Variants in AXDND1 observed in about 807,000 individuals in gnomAD.
AXDND1 encodes the protein axonemal dynein light chain domain containing 1, also known as axonemal dynein light chain domain-containing protein 1.
AXDND1 carries 110 observed loss-of-function variants against 137.5 expected under a neutral mutation model. That is an observed-to-expected ratio of 0.80 (90% CI 0.69 to 0.94). The LOEUF (loss-of-function observed/expected upper bound fraction) is 0.94, where lower values mean the gene tolerates loss of function less well. Among genes scored for constraint, AXDND1 ranks in the 40% least tolerant of loss-of-function variants. AXDND1 has a pLI of 0.00. For synonymous variants in AXDND1, 414 were observed against 399.7 expected (o/e 1.04, Z -0.43); for missense variants, 1,191 against 1,169.8 (o/e 1.02, Z -0.26).
intron 16 of AXDND1, chr1:179,447,718 C>G (rs1407516497): frequency 7.4e-7 from 1 of 1,348,864 alleles, no homozygotes; most frequent in African/African-American, 1.4e-5. Context: ...CATGACTTTA[C>G]CTAAACTATT....
Position 179,468,749 on chromosome 1 carries a change from C to T in AXDND1, c.1997+108C>T, listed in dbSNP as rs79637348. On this transcript the variant is annotated intron_variant, in intron 17 of 25. Transcript: ENST00000367618. ...TCAAAGTGTACAATTCTGTGGTGTT[C>T]AGTATATTTATAGATATAAGTAACC... The T allele has an allele frequency of 2.0e-3, 1,766 of 866,086 alleles. 17 individuals carry two copies. In the African/African-American group the frequency reaches 0.023, roughly 11 times the overall value. 53.7% of individuals were successfully genotyped at this position (866,086 alleles called of 1,614,324 possible).
At chr1:179,414,952 T>C (rs1015254180) in intron 12 of AXDND1, among the ~76,000 whole-genome samples, 1 of 112,282 alleles carries the variant, frequency 8.9e-6, no homozygotes, top group African/African-American at 3.1e-5. Context: ...AATAGATAAA[T>C]ACAACAGAAT....
At chr1:179,514,150 G>C (rs554504378) in intron 21 of AXDND1, among the ~76,000 whole-genome samples, 88 of 152,002 alleles carry the variant, frequency 5.8e-4, no homozygotes, top group African/African-American at 2.1e-3. Context: ...AGTTCCTTGA[G>C]GTGTGACCTT....
chr1:179,444,902 A>G lies in AXDND1; in HGVS notation c.1564-68A>G, dbSNP rs539781048. ...AATTGGGAGTCACTGGGGAATAAGC[A>G]TCTGGTAGACTTTGATAAACTCATT... On this transcript the variant is annotated intron_variant, in intron 15 of 25. Coordinates refer to ENST00000367618, the MANE Select transcript of AXDND1 (RefSeq NM_144696.6). The G allele has an allele frequency of 5.5e-6, 6 of 1,097,174 alleles. No individual in the cohort carries two copies. In the South Asian group the frequency reaches 7.8e-5, roughly 14 times the overall value. 68.0% of individuals were successfully genotyped at this position (1,097,174 alleles called of 1,614,324 possible).
At chr1:179,447,417 ATAATCTGATT>A (rs1659895843) in intron 16 of AXDND1, among the ~76,000 whole-genome samples, 1 of 152,248 alleles carries the variant, frequency 6.6e-6, no homozygotes, top group Non-Finnish European at 1.5e-5. Flanking sequence ...GCAAATTTCC[ATAATCTGATT>A]TTTGTGTATT....
At chr1:179,533,619 A>G (rs996533668) in intron 23 of AXDND1, among the ~76,000 whole-genome samples, 176 bp from the exon 24 acceptor site, 3 of 135,916 alleles carry the variant, frequency 2.2e-5, no homozygotes, top group Non-Finnish European at 4.7e-5. Flanking sequence ...TTGACCAGAG[A>G]CAATCCCTTT....
At position 179,370,060 on chromosome 1, in the gene AXDND1, C is replaced by T. The variant is rs1320828033; in HGVS notation, c.356C>T (p.Ser119Phe). 5 of 1,612,326 alleles carry T rather than the reference C, an allele frequency of 3.1e-6. 1 individual carries two copies. The South Asian group carries it at 5.5e-5, about 18-fold the overall frequency. ...KFKYLIDHPV[S>F]LTGAGRDISF... The stretch of plus-strand genomic sequence containing the variant: ...AAATACCTGATTGACCATCCCGTCT[C>T]CCTCACAGGAGCTGGAAGGTAAAGA... The change falls in exon 4 of 26, where the codon TCC becomes TTC. Residue 119 changes from serine (S) to phenylalanine (F), a missense_variant. Coordinates refer to ENST00000367618, the MANE Select transcript of AXDND1 (RefSeq NM_144696.6).
chr1:179,416,407 T>G (rs1263417804), intron 12 of AXDND1, among the ~76,000 whole-genome samples: 1 of 152,218 alleles, frequency 6.6e-6, no homozygotes, highest in Non-Finnish European at 1.5e-5. Flanking sequence ...TATACTGATT[T>G]TCTTTCTTTA....
At chr1:179,528,549 T>A in intron 23 of AXDND1, 118 bp downstream of exon 23, 1 of 510,128 alleles carries the variant, frequency 2.0e-6, no homozygotes, top group Non-Finnish European at 3.2e-6. Flanking sequence ...AAGTCATGTA[T>A]TTTACAGATA....
chr1:179,443,138 A>G (rs905283680), intron 15 of AXDND1, among the ~76,000 whole-genome samples: 1 of 152,190 alleles, frequency 6.6e-6, no homozygotes. Flanking sequence ...TCCCTCAGCA[A>G]ACCTTTTGGT....
intron 21 of AXDND1, among the ~76,000 whole-genome samples, chr1:179,514,507 T>A (rs926275764): frequency 2.6e-5 from 4 of 152,112 alleles, no homozygotes; most frequent in Non-Finnish European, 5.9e-5. Context: ...TTGGAGAAGG[T>A]TCTGTGCACT....
intron 23 of AXDND1, among the ~76,000 whole-genome samples, chr1:179,531,902 A>T (rs991910625): frequency 6.6e-6 from 1 of 152,218 alleles, no homozygotes; most frequent in Non-Finnish European, 1.5e-5. Flanking sequence ...CAAGAGCCGC[A>T]TGGTCCATGT....
chr1:179,551,540 G>T, intron 25 of AXDND1: 2 of 1,479,238 alleles, frequency 1.4e-6, no homozygotes, highest in South Asian at 1.2e-5. Flanking sequence ...GACAAGCACT[G>T]AGCATCTACT....
chr1:179,492,991 G>T, intron 20 of AXDND1, 40 bp downstream of exon 20: 1 of 1,440,588 alleles, frequency 6.9e-7, no homozygotes, highest in Non-Finnish European at 9.5e-7. Context: ...TTTTTGTTTT[G>T]TTTGTTTTTA....
At position 179,533,884 on chromosome 1, in the gene AXDND1, A is replaced by G; in HGVS notation, c.2798+7A>G. 6.2e-7 allele frequency: 1 copy of G among 1,608,506 alleles called. No individual in the cohort carries two copies. The highest frequency in any genetic ancestry group is 8.5e-7 in the Non-Finnish European group (1 of 1,175,326). On this transcript the variant is annotated splice_region_variant and intron_variant, in intron 24 of 25. Transcript: ENST00000367618. ...ATATGCAGGAGAAGTTACTGTAAGT[A>G]TGAGTCAACACAATGGTAAGAGGAT...
chr1:179,415,583 C>T (rs1255452601), intron 12 of AXDND1, among the ~76,000 whole-genome samples: 1 of 152,182 alleles, frequency 6.6e-6, no homozygotes, highest in Non-Finnish European at 1.5e-5. Context: ...TCACCACAAC[C>T]AATCTGAAAA....
intron 25 of AXDND1, among the ~76,000 whole-genome samples, chr1:179,553,312 T>C (rs2125774698): frequency 6.6e-6 from 1 of 152,376 alleles, no homozygotes; most frequent in Admixed American, 6.5e-5. Flanking sequence ...AAATTAATGC[T>C]TGCTGTAGCA....
chr1:179,479,726 G>A lies in AXDND1; in HGVS notation c.1998-3402G>A, dbSNP rs942231165. 3.3e-5 allele frequency among the ~76,000 whole-genome samples: 5 copies of A among 152,084 alleles called. No homozygotes were observed. The East Asian group carries it at 9.6e-4, about 29-fold the overall frequency. ...TGGGAGGCAGTGCTTGCGGTGAGCC[G>A]AGATCGCACCACTGCACTTTAGCCT... is the stretch of plus-strand genomic sequence containing the variant. On this transcript the variant is annotated intron_variant, in intron 17 of 25. Transcript: ENST00000367618.
In AXDND1 at chr1:179,533,809, G is replaced by A. The variant is rs1252165386; in HGVS notation, c.2730G>A (p.Lys910=). Residue 910 remains lysine, a synonymous_variant, in exon 24 of 26, where the codon AAG becomes AAA. Coordinates refer to ENST00000367618, the MANE Select transcript of AXDND1 (RefSeq NM_144696.6). ...DVLSSWRESA[K]QGTLAQKYLE... is the part of the protein sequence containing the mutation. Reference sequence around the variant, plus strand: ...TCCTCTGTCAGAGAGAGTCAGCTAAGCAAGGTACATTGGCCCAAAAATATC... The same window carrying A: ...TCCTCTGTCAGAGAGAGTCAGCTAAACAAGGTACATTGGCCCAAAAATATC... 1 of 1,612,520 alleles carries A rather than the reference G, an allele frequency of 6.2e-7. No homozygotes were observed.
Sources: gnomAD v4.1 joint callset for allele counts (sites outside exome capture counted in the v4.1 genomes callset) on GRCh38, gnomAD v4.1.1 for gene constraint, MANE v1.5 for transcripts, NCBI Gene and HGNC (gene_info 2026-07-23, HGNC 2026-07-21) for gene names.